The following CNIH3 variants were observed in gnomAD, a reference collection of about 807,000 sequenced individuals.
The protein encoded by CNIH3 is protein cornichon homolog 3.
Under a neutral mutation model 24.1 loss-of-function variants are expected in CNIH3, and 14 were observed. The ratio of observed to expected loss-of-function variants is 0.58; its 90% CI spans 0.38 to 0.91. The LOEUF is 0.91. Ranked by LOEUF, CNIH3 falls within the 40% of genes least tolerant of loss-of-function variation. CNIH3 has a pLI of 0.00. For missense variants in CNIH3, 178 were observed against 196.8 expected, an observed-to-expected ratio of 0.90 and a Z score of 0.57; for synonymous variants, 68 against 73.8, an observed-to-expected ratio of 0.92 and a Z score of 0.40.
rs1674558998 is a variant in CNIH3 at position 224,434,690 on chromosome 1, C to T, written n.31C>T. The T allele has an allele frequency of 1.4e-5, 10 of 705,778 alleles. No individual in the cohort carries two copies. The South Asian group carries it at 4.3e-4, about 30-fold the overall frequency. The allele number at this position is 705,778 out of a possible 1,614,324, so 43.7% of individuals were successfully genotyped here. Reference sequence around the variant, plus strand: ...CTGGGCTGAGCCCCGGCAGTGGCTGCGGCGGCGGCGGCGGCGGGCGGCAGC... The same window carrying T: ...CTGGGCTGAGCCCCGGCAGTGGCTGTGGCGGCGGCGGCGGCGGGCGGCAGC... On this transcript the variant is annotated non_coding_transcript_exon_variant, in exon 1 of 6. Transcript: ENST00000471578.
At chr1:224,607,893 C>T (rs1682500064) in intron 3 of CNIH3, among the ~76,000 whole-genome samples, 1 of 152,024 alleles carries the variant, frequency 6.6e-6, no homozygotes, top group Admixed American at 6.6e-5. Context: ...AGTTTCTGGG[C>T]CTGAGATTTT....
chr1:224,531,911 A>G (rs1679085787), intron 2 of CNIH3, among the ~76,000 whole-genome samples: 1 of 152,206 alleles, frequency 6.6e-6, no homozygotes, highest in Non-Finnish European at 1.5e-5. Flanking sequence ...CATTCACTCT[A>G]TAAACATTTA....
intron 1 of CNIH3, among the ~76,000 whole-genome samples, chr1:224,516,229 C>T (rs1188910008): frequency 2.1e-5 from 3 of 146,340 alleles, no homozygotes; most frequent in South Asian, 2.2e-4. Context: ...GCAGGAGAAT[C>T]GATCGAACCA....
At chr1:224,692,918 T>C (rs1040978078) in intron 3 of CNIH3, among the ~76,000 whole-genome samples, 1 of 152,214 alleles carries the variant, frequency 6.6e-6, no homozygotes, top group Non-Finnish European at 1.5e-5. Context: ...CGAAACCACA[T>C]AGGGCCTCAG....
intron 2 of CNIH3, among the ~76,000 whole-genome samples, chr1:224,542,747 C>A (rs1371845651): frequency 6.6e-6 from 1 of 152,160 alleles, no homozygotes; most frequent in African/African-American, 2.4e-5. Flanking sequence ...AGTTAGAATG[C>A]CACTGTAAGC....
Position 224,483,163 on chromosome 1 carries a change from C to T in CNIH3, n.204-32578C>T, listed in dbSNP as rs913123993. Reference sequence around the variant, plus strand: ...GTCTTTCCTACCCTCTCCAGTGCCTCTTTGAGTGATATGAAGTTAAAACCA... The same window carrying T: ...GTCTTTCCTACCCTCTCCAGTGCCTTTTTGAGTGATATGAAGTTAAAACCA... On this transcript the variant is annotated intron_variant and non_coding_transcript_variant, in intron 1 of 5. Coordinates refer to the CNIH3 transcript ENST00000471578. 6.6e-5 allele frequency among the ~76,000 whole-genome samples: 10 copies of T among 152,248 alleles called. No individual in the cohort carries two copies. The East Asian group carries it at 1.9e-3, about 30-fold the overall frequency.
chr1:224,654,792 A>G (rs1685021715), intron 1 of CNIH3, among the ~76,000 whole-genome samples: 1 of 152,224 alleles, frequency 6.6e-6, no homozygotes, highest in African/African-American at 2.4e-5. Flanking sequence ...ATAACTAGTA[A>G]CAAGTAGTAC....
At chr1:224,544,835 C>T (rs1322615151) in intron 2 of CNIH3, among the ~76,000 whole-genome samples, 2 of 152,226 alleles carry the variant, frequency 1.3e-5, no homozygotes, top group African/African-American at 4.8e-5. Context: ...ATCAAGAAAA[C>T]ACATGGCTTC....
Position 224,464,185 on chromosome 1 carries a change from C to T in CNIH3, n.203+29323C>T, listed in dbSNP as rs73127545. 6.4e-3 allele frequency among the ~76,000 whole-genome samples: 976 copies of T among 152,186 alleles called. 12 individuals are homozygous for T. The highest frequency in any genetic ancestry group is 0.022 in the African/African-American group (918 of 41,514). ...ATATTTATTTTTTATGGGTTATGCT[C>T]TTGGTGTCATGTCTAAGCAATCTTT... On this transcript the variant is annotated intron_variant and non_coding_transcript_variant, in intron 1 of 5. Transcript: ENST00000471578.
intron 2 of CNIH3, among the ~76,000 whole-genome samples, chr1:224,528,921 T>C (rs1274996869): frequency 6.6e-6 from 1 of 152,186 alleles, no homozygotes; most frequent in Non-Finnish European, 1.5e-5. Context: ...AGAATTGAAT[T>C]TGGAGAATGT....
At chr1:224,648,892 C>T (rs529471739) in intron 1 of CNIH3, among the ~76,000 whole-genome samples, 1 of 152,302 alleles carries the variant, frequency 6.6e-6, no homozygotes, top group Admixed American at 6.5e-5. Context: ...CAAAATCCCC[C>T]TTAGCAGAGA....
At chr1:224,729,855 TC>T (rs1689230904) in intron 3 of CNIH3, among the ~76,000 whole-genome samples, 1 of 152,140 alleles carries the variant, frequency 6.6e-6, no homozygotes, top group Non-Finnish European at 1.5e-5. Context: ...TCTTCCCTCT[TC>T]CCCCAGAGGC....
chr1:224,446,577 T>C (rs1311888571), intron 1 of CNIH3, among the ~76,000 whole-genome samples: 1 of 152,180 alleles, frequency 6.6e-6, no homozygotes, highest in Non-Finnish European at 1.5e-5. Flanking sequence ...ATGTTAAGAC[T>C]ATCAACAGGG....
chr1:224,680,955 C>T lies in CNIH3; in HGVS notation c.82-3C>T. 6.2e-7 allele frequency: 1 copy of T among 1,611,756 alleles called. No homozygotes were observed. Among genetic ancestry groups the T allele is most frequent in the Non-Finnish European group, 8.5e-7 (1 of 1,177,870 alleles). ...CACCTCAAATCTCTGTATTCTGTTTCAGATAATTGCCTTTGATGAGTTAAG... is the reference window on the plus strand; with the variant it reads ...CACCTCAAATCTCTGTATTCTGTTTTAGATAATTGCCTTTGATGAGTTAAG... On this transcript the variant is annotated splice_region_variant and splice_polypyrimidine_tract_variant and intron_variant, in intron 1 of 5. Transcript: ENST00000272133.
intron 3 of CNIH3, among the ~76,000 whole-genome samples, chr1:224,610,033 G>GT (rs1411291038): frequency 2.0e-5 from 3 of 152,064 alleles, no homozygotes; most frequent in African/African-American, 7.2e-5. Context: ...AAACCATTCT[G>GT]TTTTTTCACT....
chr1:224,638,977 G>A (rs934796630), intron 1 of CNIH3, among the ~76,000 whole-genome samples: 8 of 152,146 alleles, frequency 5.3e-5, no homozygotes, highest in African/African-American at 1.9e-4. Context: ...CCTTTTGACT[G>A]GAGTCTCCTG....
In CNIH3 at chr1:224,653,338, C is replaced by T. The variant is rs191346541; in HGVS notation, c.82-27620C>T. ...TTGGGAGGCTGAGGTAGGAGAATCA[C>T]TTGAACCCAGGAGGCAGAGGTTGCA... On this transcript the variant is annotated intron_variant, in intron 1 of 5. Transcript: ENST00000272133. Among the ~76,000 whole-genome samples the T allele has an allele frequency of 8.6e-5, 13 of 151,042 alleles. No homozygotes were observed. The East Asian group carries it at 2.2e-3, about 25-fold the overall frequency.
intron 1 of CNIH3, among the ~76,000 whole-genome samples, chr1:224,447,978 C>T (rs1458071944): frequency 6.6e-6 from 1 of 152,160 alleles, no homozygotes; most frequent in Non-Finnish European, 1.5e-5. Context: ...AAGGGCAAAG[C>T]CAGGATTCCA....
At chr1:224,653,424 A>AC (rs1382576546) in intron 1 of CNIH3, among the ~76,000 whole-genome samples, 22 of 147,596 alleles carry the variant, frequency 1.5e-4, no homozygotes, top group African/African-American at 4.9e-4. Context: ...CTCCACCTCA[A>AC]AAAAAAAAAA....
Sources: gnomAD v4.1 joint callset for allele counts (sites outside exome capture counted in the v4.1 genomes callset) on GRCh38, gnomAD v4.1.1 for gene constraint, MANE v1.5 for transcripts, NCBI Gene and HGNC (gene_info 2026-07-23, HGNC 2026-07-21) for gene names.